DEPDC5: variants seen among roughly 807,000 people sequenced by gnomAD.
DEPDC5 encodes DEP domain containing 5, GATOR1 subcomplex subunit.
Under a neutral mutation model 217.3 loss-of-function variants are expected in DEPDC5, and 73 were observed. The observed-to-expected ratio is 0.34, with a 90% CI of 0.28 to 0.41. The LOEUF is 0.41. Among genes scored for constraint, DEPDC5 ranks in the 10% least tolerant of loss-of-function variants. The pLI, the probability that DEPDC5 is intolerant of heterozygous loss-of-function variation, is 1.00. For synonymous variants in DEPDC5, 733 were observed against 756.7 expected, an observed-to-expected ratio of 0.97 and a Z score of 0.51; for missense variants, 1,675 against 2,070.1, an observed-to-expected ratio of 0.81 and a Z score of 3.70.
intron 24 of DEPDC5, among the ~76,000 whole-genome samples, chr22:31,832,008 C>T (rs1487149207): frequency 6.6e-6 from 1 of 152,222 alleles, no homozygotes; most frequent in Non-Finnish European, 1.5e-5. Flanking sequence ...ATGTAACATA[C>T]ATGGAATCAT....
chr22:31,869,068 C>T lies in DEPDC5; in HGVS notation c.3331-1522C>T, dbSNP rs542141199. ...GATCAGCCGAGGCAACATAGCTAGACTCTGTCTCTACACACAAAAAAAAGT... is the reference window on the plus strand; with the variant it reads ...GATCAGCCGAGGCAACATAGCTAGATTCTGTCTCTACACACAAAAAAAAGT... On this transcript the variant is annotated intron_variant, in intron 33 of 42. Transcript: ENST00000651528. Among the ~76,000 whole-genome samples, 13 of 152,076 alleles carry T rather than the reference C, an allele frequency of 8.5e-5. No individual in the cohort carries two copies. In the East Asian group the frequency reaches 2.3e-3, roughly 27 times the overall value.
intron 33 of DEPDC5, among the ~76,000 whole-genome samples, chr22:31,867,185 T>G (rs2092712654): frequency 6.6e-6 from 1 of 152,212 alleles, no homozygotes; most frequent in Admixed American, 6.5e-5. Context: ...CTATTTATCT[T>G]TGTTCACCAC....
At chr22:31,837,995 A>C (rs2091140547) in intron 26 of DEPDC5, among the ~76,000 whole-genome samples, 1 of 152,070 alleles carries the variant, frequency 6.6e-6, no homozygotes, top group African/African-American at 2.4e-5. Context: ...GAGCTGCTGC[A>C]CTGGCTGTGG....
intron 16 of DEPDC5, 27 bp downstream of exon 16, chr22:31,804,250 A>G (rs764764185): frequency 5.6e-6 from 9 of 1,611,926 alleles, no homozygotes; most frequent in Middle Eastern, 1.7e-4. Context: ...TTTGTTTACT[A>G]AAGGCCAGTT....
At chr22:31,865,036 C>T (rs1021078391) in intron 33 of DEPDC5, among the ~76,000 whole-genome samples, 5 of 137,860 alleles carry the variant, frequency 3.6e-5, no homozygotes, top group Admixed American at 2.0e-4. Context: ...ATGTTGGCCA[C>T]GCTGGTCTCG....
chr22:31,846,973 T>C lies in DEPDC5; in HGVS notation c.3155+6T>C, dbSNP rs1421304765. 1.2e-6 allele frequency: 2 copies of C among 1,614,230 alleles called. No individual in the cohort carries two copies. The highest frequency in any genetic ancestry group is 1.7e-6 in the Non-Finnish European group (2 of 1,180,018). ...GAGATGGAGGCCAGTCAGAAGTAAG[T>C]GCTTGGTGGAAGACTGACTTGTCCC... On this transcript the variant is annotated splice_donor_region_variant and intron_variant, in intron 31 of 42. Coordinates refer to ENST00000651528, the MANE Select transcript of DEPDC5 (RefSeq NM_001242896.3).
intron 14 of DEPDC5, 137 bp downstream of exon 14, chr22:31,798,793 T>G: frequency 1.4e-6 from 1 of 740,238 alleles, no homozygotes; most frequent in East Asian, 3.0e-5. Context: ...GTCCACAGAA[T>G]AAAGTGAAAG....
At chr22:31,876,734 T>C (rs1041460981) in intron 37 of DEPDC5, among the ~76,000 whole-genome samples, 1 of 152,222 alleles carries the variant, frequency 6.6e-6, no homozygotes, top group Non-Finnish European at 1.5e-5. Context: ...ATATTTTAAG[T>C]ATCTGTGGGG....
At chr22:31,778,322 A>G (rs1473955175) in intron 8 of DEPDC5, among the ~76,000 whole-genome samples, 154 bp downstream of exon 8, 2 of 152,032 alleles carry the variant, frequency 1.3e-5, no homozygotes, top group Middle Eastern at 3.2e-3. Context: ...ACATGGAGAG[A>G]CCCACCTGTA....
intron 37 of DEPDC5, 62 bp from the exon 38 acceptor site, chr22:31,879,463 G>A: frequency 6.8e-7 from 1 of 1,469,432 alleles, no homozygotes; most frequent in Non-Finnish European, 9.4e-7. Context: ...GTTGTAGCAT[G>A]CATCATGAAG....
At chr22:31,865,855 G>T (rs766897134) in intron 33 of DEPDC5, among the ~76,000 whole-genome samples, 1 of 152,184 alleles carries the variant, frequency 6.6e-6, no homozygotes, top group African/African-American at 2.4e-5. Context: ...TCTCTGCAAG[G>T]CATATGGGAT....
chr22:31,875,290 A>G (rs2092958686), intron 36 of DEPDC5: 1 of 166,694 alleles, frequency 6.0e-6, no homozygotes, highest in Non-Finnish European at 1.5e-5. Flanking sequence ...AAATGCTACT[A>G]CAGCAGTTTA....
chr22:31,834,186 G>A, intron 25 of DEPDC5: 1 of 608,680 alleles, frequency 1.6e-6, no homozygotes, highest in Non-Finnish European at 3.0e-6. Context: ...GACCTGTTTT[G>A]GAAGGTGATT....
chr22:31,790,451 T>C (rs186218127), intron 10 of DEPDC5, among the ~76,000 whole-genome samples: 1 of 152,206 alleles, frequency 6.6e-6, no homozygotes, highest in Non-Finnish European at 1.5e-5. Flanking sequence ...TTTATTCTCA[T>C]TAGTCCCTGT....
At position 31,901,729 on chromosome 22, in the gene DEPDC5, A is replaced by G; in HGVS notation, c.4376-13A>G. The G allele has an allele frequency of 6.2e-7, 1 of 1,607,742 alleles. No homozygotes were observed. The highest frequency in any genetic ancestry group is 8.5e-7 in the Non-Finnish European group (1 of 1,176,692). On this transcript the variant is annotated splice_polypyrimidine_tract_variant and intron_variant, in intron 40 of 42. Transcript: ENST00000651528. Reference sequence around the variant, plus strand: ...TGATCACAACCCAATATTTATTCTTATTTTCCTTTCAGGCTTTGAACCCGA... The same window carrying G: ...TGATCACAACCCAATATTTATTCTTGTTTTCCTTTCAGGCTTTGAACCCGA...
At chr22:31,803,466 C>T (rs936951638) in intron 15 of DEPDC5, among the ~76,000 whole-genome samples, 1 of 152,050 alleles carries the variant, frequency 6.6e-6, no homozygotes, top group Non-Finnish European at 1.5e-5. Flanking sequence ...CCCGTCTTGG[C>T]CTCCCAAAGT....
intron 38 of DEPDC5, among the ~76,000 whole-genome samples, chr22:31,882,075 A>G (rs970186486): frequency 6.6e-6 from 1 of 152,180 alleles, no homozygotes; most frequent in Admixed American, 6.5e-5. Context: ...AACCTGTTAC[A>G]AATATAACAA....
At chr22:31,853,584 C>T (rs987272987) in intron 31 of DEPDC5, among the ~76,000 whole-genome samples, 3 of 152,182 alleles carry the variant, frequency 2.0e-5, no homozygotes, top group Non-Finnish European at 4.4e-5. Flanking sequence ...AGCATGAAAG[C>T]GCTTACAGAA....
chr22:31,845,047 C>A lies in DEPDC5; in HGVS notation c.2831C>A (p.Thr944Asn), dbSNP rs1228740465. 6.2e-7 allele frequency: 1 copy of A among 1,614,166 alleles called. No individual in the cohort carries two copies. Among genetic ancestry groups the A allele is most frequent in the Admixed American group, 1.7e-5 (1 of 60,020 alleles). Residue 944 changes from threonine to asparagine, a missense_variant, in exon 30 of 43, where the codon ACC becomes AAC. Around this residue, in one of 11 missense-constraint regions of DEPDC5, gnomAD observed 293 missense variants for 386.1 expected, o/e 0.76. Transcript: ENST00000651528. The part of the protein sequence containing the change: ...SLIESLKFWR[T>N]RFLLLPACVT... ...ATTGAGTCCCTGAAGTTCTGGAGGA[C>A]CCGCTTCCTGCTGCTGCCAGCCTGT...
Sources: allele counts gnomAD v4.1 joint callset (sites outside exome capture counted in the v4.1 genomes callset), GRCh38; gene constraint gnomAD v4.1.1; regional missense constraint gnomAD v4.1.1; transcripts MANE v1.5; gene names NCBI Gene and HGNC (gene_info 2026-07-23, HGNC 2026-07-21).